Variants in XKR4 observed in about 807,000 individuals in gnomAD.
XKR4 encodes XK related 4, also known as XK-related protein 4.
A neutral mutation model predicts 53.9 loss-of-function variants in XKR4; 12 were observed. The observed-to-expected ratio is 0.22, with a 90% CI of 0.14 to 0.36. XKR4 has a LOEUF of 0.36. Ranked by LOEUF, XKR4 falls within the 10% of genes least tolerant of loss-of-function variation. The pLI, the probability that XKR4 is intolerant of heterozygous loss-of-function variation, is 1.00. For synonymous variants in XKR4, 354 were observed against 362.4 expected, an observed-to-expected ratio of 0.98 and a Z score of 0.26; for missense variants, 799 against 859.5, an observed-to-expected ratio of 0.93 and a Z score of 0.88.
chr8:55,510,760 ACTTTTTC>A (rs1264635728), intron 2 of XKR4, among the ~76,000 whole-genome samples: 2 of 152,142 alleles, frequency 1.3e-5, no homozygotes, highest in Non-Finnish European at 2.9e-5. Context: ...CCCAGGAAAA[ACTTTTTC>A]CTTTTTCAAA....
intron 2 of XKR4, chr8:55,517,898 T>C (rs1034500886): frequency 6.6e-5 from 10 of 152,274 alleles, no homozygotes; most frequent in South Asian, 2.1e-4. Flanking sequence ...ATGTTCATGA[T>C]AGTAAATTTT....
chr8:55,105,545 T>A (rs1210128235), intron 1 of XKR4, among the ~76,000 whole-genome samples: 1 of 152,218 alleles, frequency 6.6e-6, no homozygotes, highest in African/African-American at 2.4e-5. Flanking sequence ...TGCATGATCA[T>A]CTAGGAGGAA....
intron 2 of XKR4, among the ~76,000 whole-genome samples, chr8:55,401,964 A>G (rs1012947841): frequency 6.6e-6 from 1 of 152,078 alleles, no homozygotes; most frequent in African/African-American, 2.4e-5. Context: ...ATGTAAAATA[A>G]CTTGACTATT....
At chr8:55,450,449 C>G (rs1805420702) in intron 2 of XKR4, 5 of 585,322 alleles carry the variant, frequency 8.5e-6, no homozygotes, top group Non-Finnish European at 3.2e-6. Flanking sequence ...CAGAGACCTG[C>G]AAGGCAGCTG....
chr8:55,224,458 T>C lies in XKR4; in HGVS notation c.806+121164T>C, dbSNP rs142976677. Among the ~76,000 whole-genome samples, 434 of 152,304 alleles carry C rather than the reference T, an allele frequency of 2.8e-3. 1 individual carries two copies. Among genetic ancestry groups the C allele is most frequent in the African/African-American group, 9.9e-3 (411 of 41,566 alleles). Reference sequence around the variant, plus strand: ...GTAGTCTACAGAACAGACTCAATGATTTTGTCATAAGACTTAGTTCACTCT... The same window carrying C: ...GTAGTCTACAGAACAGACTCAATGACTTTGTCATAAGACTTAGTTCACTCT... On this transcript the variant is annotated intron_variant, in intron 1 of 2. Transcript: ENST00000327381.
chr8:55,289,646 A>AAAGAAAGAAAGAAAGGAAGG (rs1221597017), intron 1 of XKR4, among the ~76,000 whole-genome samples: 28 of 86,994 alleles, frequency 3.2e-4, no homozygotes, highest in African/African-American at 9.6e-4. Context: ...AGAAAGAAAG[A>AAAGAAAGAAAGAAAGGAAGG]AAGGAAGGAA....
intron 2 of XKR4, among the ~76,000 whole-genome samples, chr8:55,498,003 C>T (rs900458391): frequency 7.2e-5 from 11 of 152,206 alleles, no homozygotes; most frequent in East Asian, 1.9e-4. Context: ...AGGCTGGCCC[C>T]GAGGATTAGG....
chr8:55,337,640 A>C (rs1803481742), intron 1 of XKR4, among the ~76,000 whole-genome samples: 1 of 152,228 alleles, frequency 6.6e-6, no homozygotes, highest in Non-Finnish European at 1.5e-5. Context: ...ACGATGAAAG[A>C]ATTGTATGCA....
chr8:55,441,892 T>G (rs926130025), intron 2 of XKR4, among the ~76,000 whole-genome samples: 5 of 152,108 alleles, frequency 3.3e-5, no homozygotes, highest in African/African-American at 1.2e-4. Context: ...AAAAATAATA[T>G]ATTGGAAAAA....
intron 2 of XKR4, among the ~76,000 whole-genome samples, chr8:55,401,463 A>G (rs1585556779): frequency 1.3e-5 from 2 of 152,208 alleles, no homozygotes; most frequent in Non-Finnish European, 2.9e-5. Context: ...CAATCACTCA[A>G]TTTTCCAGCC....
intron 1 of XKR4, among the ~76,000 whole-genome samples, chr8:55,176,956 A>G (rs1817243986): frequency 6.6e-6 from 1 of 152,014 alleles, no homozygotes; most frequent in Non-Finnish European, 1.5e-5. Context: ...AAAGTACCCC[A>G]TATAATTTGC....
At chr8:55,413,182 T>C (rs1451689129) in intron 2 of XKR4, among the ~76,000 whole-genome samples, 7 of 152,236 alleles carry the variant, frequency 4.6e-5, no homozygotes, top group African/African-American at 1.7e-4. Context: ...ACAAAGAAAT[T>C]AGTTGCTCTA....
intron 2 of XKR4, chr8:55,450,039 G>C: frequency 2.6e-6 from 2 of 782,940 alleles, no homozygotes; most frequent in Non-Finnish European, 4.5e-6. Context: ...GGGAGCTAGG[G>C]GTGCCACGTC....
chr8:55,373,935 T>C (rs182652023), intron 2 of XKR4, among the ~76,000 whole-genome samples: 28 of 152,182 alleles, frequency 1.8e-4, no homozygotes, highest in Admixed American at 1.5e-3. Context: ...TGATTTCAAG[T>C]GTACAAATGC....
At chr8:55,153,857 A>C (rs1261304334) in intron 1 of XKR4, among the ~76,000 whole-genome samples, 1 of 152,228 alleles carries the variant, frequency 6.6e-6, no homozygotes. Flanking sequence ...AGAAAGCAAG[A>C]CTTGTTAATG....
At chr8:55,370,643 T>A (rs974172852) in intron 2 of XKR4, among the ~76,000 whole-genome samples, 25 of 151,762 alleles carry the variant, frequency 1.6e-4, no homozygotes, top group African/African-American at 5.8e-4. Flanking sequence ...CATAGGAGAG[T>A]TGTGATTTTT....
At chr8:55,466,570 G>A (rs914903802) in intron 2 of XKR4, among the ~76,000 whole-genome samples, 2 of 151,842 alleles carry the variant, frequency 1.3e-5, no homozygotes, top group Non-Finnish European at 2.9e-5. Context: ...CACCAACATG[G>A]CACATGTATA....
intron 1 of XKR4, among the ~76,000 whole-genome samples, chr8:55,290,489 G>A (rs1295661644): frequency 6.6e-6 from 1 of 152,038 alleles, no homozygotes. Flanking sequence ...AGGTAAATGT[G>A]TTCCATGGTG....
At chr8:55,381,856 C>T (rs750150888) in intron 2 of XKR4, among the ~76,000 whole-genome samples, 3 of 152,202 alleles carry the variant, frequency 2.0e-5, no homozygotes, top group Non-Finnish European at 4.4e-5. Flanking sequence ...TCTTTCTATA[C>T]CCACACATGG....
Sources: gnomAD v4.1 joint callset for allele counts (sites outside exome capture counted in the v4.1 genomes callset) on GRCh38, gnomAD v4.1.1 for gene constraint, MANE v1.5 for transcripts, NCBI Gene and HGNC (gene_info 2026-07-23, HGNC 2026-07-21) for gene names.